The following EPHB1 variants were observed in gnomAD, a reference collection of about 807,000 sequenced individuals.
The protein encoded by EPHB1 is ephrin type-B receptor 1.
A neutral mutation model predicts 94.4 loss-of-function variants in EPHB1; 30 were observed. That is an observed-to-expected ratio of 0.32 (90% CI 0.24 to 0.43). EPHB1 has a LOEUF of 0.43. Ranked by LOEUF, EPHB1 falls within the 20% of genes least tolerant of loss-of-function variation. EPHB1 has a pLI of 1.00. For synonymous variants in EPHB1, 522 were observed against 489.1 expected (o/e 1.07, Z -0.89); for missense variants, 1,055 against 1,308.3 (o/e 0.81, Z 2.99).
At chr3:135,246,924 G>T (rs1317117616) in intron 13 of EPHB1, among the ~76,000 whole-genome samples, 4 of 151,960 alleles carry the variant, frequency 2.6e-5, no homozygotes, top group African/African-American at 9.7e-5. Flanking sequence ...ACTATGCATA[G>T]AAACTGTAAA....
At chr3:134,847,697 G>A (rs2036902228) in intron 1 of EPHB1, among the ~76,000 whole-genome samples, 1 of 152,204 alleles carries the variant, frequency 6.6e-6, no homozygotes, top group African/African-American at 2.4e-5. Context: ...GTATCACAGA[G>A]TCACCCGAGG....
intron 5 of EPHB1, among the ~76,000 whole-genome samples, chr3:135,134,262 C>T (rs949082644): frequency 5.9e-5 from 9 of 152,216 alleles, no homozygotes; most frequent in Non-Finnish European, 1.3e-4. Context: ...TATCTCTGCT[C>T]TCTCTTCCTC....
chr3:134,841,085 A>G (rs1006367461), intron 1 of EPHB1, among the ~76,000 whole-genome samples: 3 of 152,142 alleles, frequency 2.0e-5, no homozygotes, highest in East Asian at 1.9e-4. Context: ...CCTCAGCTAC[A>G]TCTACCCTTA....
At chr3:135,086,500 G>A (rs535553106) in intron 3 of EPHB1, among the ~76,000 whole-genome samples, 65 of 151,634 alleles carry the variant, frequency 4.3e-4, no homozygotes, top group African/African-American at 1.5e-3. Flanking sequence ...ATGGGTATAT[G>A]ACAATGACAC....
rs557010841 is a variant in EPHB1 at position 134,958,556 on chromosome 3, C to T, written c.805+6504C>T. Among the ~76,000 whole-genome samples, 374 of 152,212 alleles carry T rather than the reference C, an allele frequency of 2.5e-3. 3 individuals carry two copies. Among genetic ancestry groups the T allele is most frequent in the African/African-American group, 8.7e-3 (360 of 41,538 alleles). ...GAGAGGGAAACCACAGCCCAGATAG[C>T]CTCCTCTCAAGCTCCAGGGAGACCG... On this transcript the variant is annotated intron_variant, in intron 3 of 15. Coordinates refer to ENST00000398015, the MANE Select transcript of EPHB1 (RefSeq NM_004441.5).
chr3:135,163,581 C>T (rs1941570958), intron 7 of EPHB1, among the ~76,000 whole-genome samples: 1 of 152,206 alleles, frequency 6.6e-6, no homozygotes, highest in Non-Finnish European at 1.5e-5. Flanking sequence ...CTCCACTTTG[C>T]ACCTCACTTA....
intron 3 of EPHB1, among the ~76,000 whole-genome samples, chr3:134,978,645 C>G (rs1015288047): frequency 6.6e-5 from 10 of 152,222 alleles, no homozygotes; most frequent in African/African-American, 2.4e-4. Flanking sequence ...TAAGCCTTCC[C>G]TGTCTGTAGT....
At chr3:134,929,971 G>T (rs1044632155) in intron 2 of EPHB1, among the ~76,000 whole-genome samples, 1 of 152,184 alleles carries the variant, frequency 6.6e-6, no homozygotes, top group Non-Finnish European at 1.5e-5. Context: ...TTTCTCTGCA[G>T]TCAGGATACC....
intron 3 of EPHB1, among the ~76,000 whole-genome samples, chr3:134,972,170 C>T (rs973045076): frequency 2.0e-5 from 3 of 151,980 alleles, no homozygotes; most frequent in Admixed American, 6.6e-5. Context: ...CAGGGCTCCT[C>T]TAAGAGAAGA....
chr3:134,836,901 C>T (rs552961787), intron 1 of EPHB1, among the ~76,000 whole-genome samples: 6 of 152,230 alleles, frequency 3.9e-5, no homozygotes, highest in African/African-American at 9.6e-5. Flanking sequence ...AGAAAGGAGA[C>T]GTTGTTTTTC....
At chr3:135,152,156 C>T (rs1022221504) in intron 5 of EPHB1, among the ~76,000 whole-genome samples, 2 of 152,028 alleles carry the variant, frequency 1.3e-5, no homozygotes, top group Non-Finnish European at 2.9e-5. Flanking sequence ...AAATATTTGA[C>T]TATTTTTTTT....
At chr3:134,912,279 A>G (rs2038470885) in intron 1 of EPHB1, among the ~76,000 whole-genome samples, 1 of 152,142 alleles carries the variant, frequency 6.6e-6, no homozygotes, top group Non-Finnish European at 1.5e-5. Context: ...GCGCAAACTC[A>G]TTGGTCTGTC....
At chr3:135,039,745 G>A (rs1576338222) in intron 3 of EPHB1, among the ~76,000 whole-genome samples, 1 of 152,218 alleles carries the variant, frequency 6.6e-6, no homozygotes, top group Non-Finnish European at 1.5e-5. Flanking sequence ...CCAAGCCCAT[G>A]CCCACCCGGA....
intron 1 of EPHB1, among the ~76,000 whole-genome samples, chr3:134,808,237 G>A (rs1264349754): frequency 2.0e-5 from 3 of 152,276 alleles, no homozygotes; most frequent in South Asian, 2.1e-4. Flanking sequence ...ATAAATTCTC[G>A]CTCCCCGTAG....
At chr3:134,856,270 T>C (rs1031546412) in intron 1 of EPHB1, among the ~76,000 whole-genome samples, 2 of 152,088 alleles carry the variant, frequency 1.3e-5, no homozygotes, top group African/African-American at 4.8e-5. Context: ...GAAAGGGACT[T>C]CATGGGGAGC....
intron 3 of EPHB1, among the ~76,000 whole-genome samples, chr3:135,076,827 A>G (rs185432710): frequency 6.6e-6 from 1 of 152,352 alleles, no homozygotes; most frequent in East Asian, 1.9e-4. Flanking sequence ...GTGCTAAGTT[A>G]TTGAAGCCAG....
intron 7 of EPHB1, among the ~76,000 whole-genome samples, chr3:135,162,513 C>T (rs1941536920): frequency 6.6e-6 from 1 of 152,166 alleles, no homozygotes; most frequent in Non-Finnish European, 1.5e-5. Context: ...CCCTCACGCC[C>T]ACTTCACTCC....
At chr3:135,076,251 AT>A (rs1937912197) in intron 3 of EPHB1, among the ~76,000 whole-genome samples, 3 of 145,058 alleles carry the variant, frequency 2.1e-5, no homozygotes, top group African/African-American at 5.5e-5. Context: ...ATATATATAT[AT>A]ATATATATAA....
intron 15 of EPHB1, among the ~76,000 whole-genome samples, chr3:135,249,841 G>GAAA (rs1010826685): frequency 1.1e-4 from 17 of 152,040 alleles, no homozygotes; most frequent in African/African-American, 4.1e-4. Context: ...ATAACAGCAG[G>GAAA]AAAAGCATTG....
Sources: gnomAD v4.1 joint callset for allele counts (sites outside exome capture counted in the v4.1 genomes callset) on GRCh38, gnomAD v4.1.1 for gene constraint, MANE v1.5 for transcripts, NCBI Gene and HGNC (gene_info 2026-07-23, HGNC 2026-07-21) for gene names.